Variants in SHISA6 observed in about 807,000 individuals in gnomAD.
SHISA6 encodes the protein shisa family member 6.
SHISA6 carries 22 observed loss-of-function variants against 47.9 expected under a neutral mutation model. The ratio of observed to expected loss-of-function variants is 0.46; its 90% confidence interval spans 0.33 to 0.66. The LOEUF is 0.66. SHISA6 is among the 30% of genes least tolerant of loss of function. SHISA6 has a pLI of 0.02. For synonymous variants in SHISA6, 388 were observed against 337.8 expected (o/e 1.15, Z -1.63); for missense variants, 680 against 764.6 (o/e 0.89, Z 1.30).
intron 2 of SHISA6, chr17:11,289,108 G>C (rs1188214383): frequency 6.6e-6 from 1 of 152,026 alleles, no homozygotes; most frequent in African/African-American, 2.4e-5. Flanking sequence ...TTAATTTCCT[G>C]TCATTAAGAT....
At chr17:11,386,788 G>C (rs1482543697) in intron 3 of SHISA6, among the ~76,000 whole-genome samples, 1 of 152,174 alleles carries the variant, frequency 6.6e-6, no homozygotes, top group Non-Finnish European at 1.5e-5. Context: ...CAGGCAAGTG[G>C]GTGTATGTGA....
chr17:11,369,856 G>A (rs568740075), intron 2 of SHISA6, among the ~76,000 whole-genome samples: 2 of 152,262 alleles, frequency 1.3e-5, no homozygotes, highest in South Asian at 2.1e-4. Context: ...TAAATGGCGC[G>A]CTGGGGTCCC....
At chr17:11,387,678 G>A (rs1913242355) in intron 3 of SHISA6, among the ~76,000 whole-genome samples, 1 of 152,176 alleles carries the variant, frequency 6.6e-6, no homozygotes, top group Non-Finnish European at 1.5e-5. Context: ...TGTGAGAGTA[G>A]AAGATTTTTG....
At chr17:11,325,197 A>G (rs1310018484) in intron 2 of SHISA6, among the ~76,000 whole-genome samples, 1 of 152,216 alleles carries the variant, frequency 6.6e-6, no homozygotes, top group Non-Finnish European at 1.5e-5. Flanking sequence ...CCAAAAGTGG[A>G]GCAGGAGCAG....
chr17:11,474,911 G>A (rs1251356111), intron 3 of SHISA6, among the ~76,000 whole-genome samples: 1 of 152,140 alleles, frequency 6.6e-6, no homozygotes, highest in Non-Finnish European at 1.5e-5. Context: ...GATTAGGATT[G>A]CATTGAATCT....
chr17:11,289,606 A>T (rs1909448295), intron 2 of SHISA6: 1 of 143,782 alleles, frequency 7.0e-6, no homozygotes, highest in African/African-American at 2.5e-5. Context: ...ATATATACAC[A>T]CACACACAAT....
intron 3 of SHISA6, among the ~76,000 whole-genome samples, chr17:11,540,555 G>T (rs2071825054): frequency 6.6e-6 from 1 of 152,120 alleles, no homozygotes; most frequent in Non-Finnish European, 1.5e-5. Context: ...GTCTCTTGGG[G>T]GTTCCATACA....
Position 11,559,557 on chromosome 17 carries a change from A to C in SHISA6, c.*1253A>C, listed in dbSNP as rs890202202. On this transcript the variant is annotated 3_prime_UTR_variant, in exon 6 of 6. Transcript: ENST00000441885. This position sits in a 1 kb window ranked among gnomAD's most constrained non-coding sequence, Gnocchi z 4.4. ...CCCCTTCCCCCACATCCTCCCTGCA[A>C]CTTTATTCCTCCTAGCTGATCCTTC... The C allele has an allele frequency of 3.3e-5, 5 of 152,874 alleles. No individual in the cohort carries two copies. The highest frequency in any genetic ancestry group is 5.8e-5 in the Non-Finnish European group (4 of 68,490). 9.5% of individuals were successfully genotyped at this position (152,874 alleles called of 1,614,324 possible).
chr17:11,244,957 GC>G (rs1907517338), intron 1 of SHISA6, among the ~76,000 whole-genome samples: 1 of 152,048 alleles, frequency 6.6e-6, no homozygotes, highest in Admixed American at 6.5e-5. Context: ...ATCTGCATCT[GC>G]CTTAGTGCTC....
chr17:11,272,397 C>T (rs1434073622), intron 2 of SHISA6, among the ~76,000 whole-genome samples: 1 of 152,176 alleles, frequency 6.6e-6, no homozygotes, highest in Non-Finnish European at 1.5e-5. Flanking sequence ...TCCACTGGTC[C>T]TTGGTGGCAT....
chr17:11,378,483 A>G (rs181063519), intron 2 of SHISA6, among the ~76,000 whole-genome samples: 184 of 152,284 alleles, frequency 1.2e-3, no homozygotes, highest in African/African-American at 4.4e-3. Flanking sequence ...TACGATTTTT[A>G]ATACACTCTT....
chr17:11,450,779 A>C (rs928923261), intron 3 of SHISA6, among the ~76,000 whole-genome samples: 1 of 152,070 alleles, frequency 6.6e-6, no homozygotes, highest in African/African-American at 2.4e-5. Flanking sequence ...CGCACCAAGG[A>C]AGGAAGAATT....
At chr17:11,350,174 A>ATTTTTT (rs1310542458) in intron 2 of SHISA6, among the ~76,000 whole-genome samples, 1 of 100,428 alleles carries the variant, frequency 1.0e-5, no homozygotes, top group Non-Finnish European at 1.9e-5. Flanking sequence ...TTATTTATTT[A>ATTTTTT]TTTATTTATT....
rs569687839 is a variant in SHISA6, at chr17:11,526,896, T to C, written c.896-25000T>C. On this transcript the variant is annotated intron_variant, in intron 3 of 5. Coordinates refer to ENST00000441885, the MANE Select transcript of SHISA6 (RefSeq NM_207386.4). ...ATCTATCATCATATATATATATATA[T>C]ATATATATATATATATATATATATA... Among the ~76,000 whole-genome samples the C allele has an allele frequency of 5.8e-3, 93 of 16,050 alleles. 1 individual carries two copies. The highest frequency in any genetic ancestry group is 0.034 in the African/African-American group (90 of 2,628). The allele number at this position is 16,050 out of a possible 152,430, so 10.5% of individuals were successfully genotyped here.
intron 3 of SHISA6, among the ~76,000 whole-genome samples, chr17:11,412,696 C>T (rs369872714): frequency 7.2e-4 from 109 of 152,100 alleles, no homozygotes; most frequent in African/African-American, 2.5e-3. Flanking sequence ...CACCGGCCAC[C>T]GTGCCGGGCT....
intron 1 of SHISA6, among the ~76,000 whole-genome samples, chr17:11,258,456 C>T (rs950091107): frequency 1.3e-5 from 2 of 152,178 alleles, no homozygotes; most frequent in Non-Finnish European, 2.9e-5. Context: ...CTAGGTTCCC[C>T]CACTTAATTT....
chr17:11,449,923 C>A (rs564355895), intron 3 of SHISA6, among the ~76,000 whole-genome samples: 6 of 152,336 alleles, frequency 3.9e-5, no homozygotes, highest in Admixed American at 3.3e-4. Context: ...CTCGCTCTGT[C>A]GCCCAGGCTG....
chr17:11,457,155 C>T (rs1224959132), intron 3 of SHISA6, among the ~76,000 whole-genome samples: 1 of 152,140 alleles, frequency 6.6e-6, no homozygotes, highest in Non-Finnish European at 1.5e-5. Context: ...TTTATGATGC[C>T]CCAAAGTCTC....
At position 11,494,476 on chromosome 17, in the gene SHISA6, C is replaced by G. The variant is rs577474767; in HGVS notation, c.896-57420C>G. ...GTCCTCCGCAGTGCACCTCTGCACACCCACAGAACTTCCAGTGAACAGGGA... is the reference window on the plus strand; with the variant it reads ...GTCCTCCGCAGTGCACCTCTGCACAGCCACAGAACTTCCAGTGAACAGGGA... On this transcript the variant is annotated intron_variant, in intron 3 of 5. Coordinates refer to ENST00000441885, the MANE Select transcript of SHISA6 (RefSeq NM_207386.4). 2.6e-3 allele frequency among the ~76,000 whole-genome samples: 392 copies of G among 152,294 alleles called. 1 individual carries two copies. The highest frequency in any genetic ancestry group is 8.5e-3 in the African/African-American group (353 of 41,560).
Sources: allele counts gnomAD v4.1 joint callset (sites outside exome capture counted in the v4.1 genomes callset), GRCh38; gene constraint gnomAD v4.1.1; non-coding constraint Gnocchi (gnomAD v3.1); transcripts MANE v1.5; gene names NCBI Gene and HGNC (gene_info 2026-07-23, HGNC 2026-07-21).